Variants in ACTN3 observed in about 807,000 individuals in gnomAD.
The protein encoded by ACTN3 is alpha-actinin-3.
ACTN3 carries 91 observed loss-of-function variants against 119.6 expected under a neutral mutation model. The observed-to-expected ratio is 0.76, with a 90% CI of 0.64 to 0.91. The LOEUF is 0.91. Among genes scored for constraint, ACTN3 ranks in the 40% least tolerant of loss-of-function variants. ACTN3 has a pLI of 0.00. For synonymous variants in ACTN3, 456 were observed against 478.8 expected (o/e 0.95, Z 0.62); for missense variants, 1,221 against 1,215.1 (o/e 1.00, Z -0.07).
chr11:66,547,157 G>A lies in ACTN3; in HGVS notation c.147+73G>A, dbSNP rs187108590. 3.8e-5 allele frequency: 54 copies of A among 1,425,980 alleles called. No homozygotes were observed. In the Admixed American group the frequency reaches 1.5e-3, roughly 39 times the overall value. 88.3% of individuals were successfully genotyped at this position (1,425,980 alleles called of 1,614,324 possible). ...CGGGCTGTTTGTCCTGGGCATCTCA[G>A]CAGTGCAGGGGCAGAGCTTGTCTTT... On this transcript the variant is annotated intron_variant, in intron 1 of 20. Coordinates refer to ENST00000513398, the MANE Select transcript of ACTN3 (RefSeq NM_001104.4).
rs774830877 is a variant in ACTN3 at position 66,558,184 on chromosome 11, C to A, written c.1276+10C>A. 6.2e-7 allele frequency: 1 copy of A among 1,611,752 alleles called. No individual in the cohort carries two copies. The highest frequency in any genetic ancestry group is 1.3e-5 in the African/African-American group (1 of 74,928). On this transcript the variant is annotated intron_variant, in intron 11 of 20. Transcript: ENST00000513398. ...GAAGCCTGGACCCGGGGTAGGTAGA[C>A]CTACCTCATGGGGCTGGACTGTCTC...
At chr11:66,555,540 A>G (rs994044714) in intron 7 of ACTN3, among the ~76,000 whole-genome samples, 173 bp downstream of exon 7, 4 of 146,748 alleles carry the variant, frequency 2.7e-5, no homozygotes, top group Non-Finnish European at 6.0e-5. Context: ...CCCATGCCCC[A>G]TCCCCCAAAG....
At position 66,563,169 on chromosome 11, in the gene ACTN3, CCT is replaced by C. The variant is rs756746990; in HGVS notation, c.2685_2686del (p.Tyr896TrpfsTer25). The C allele has an allele frequency of 6.2e-7, 1 of 1,611,448 alleles. No individual in the cohort carries two copies. Among genetic ancestry groups the C allele is most frequent in the Non-Finnish European group, 8.5e-7 (1 of 1,178,752 alleles). On this transcript the variant is annotated frameshift_variant, in exon 21 of 21. Coordinates refer to ENST00000513398, the MANE Select transcript of ACTN3 (RefSeq NM_001104.4). LOFTEE classifies it high-confidence loss of function. ...ALDYVAFSSALYGESDL is the reference protein window; with the variant it reads ...ALDYVAFSSAXYGESDL The stretch of plus-strand genomic sequence containing the variant: ...TGGACTACGTGGCCTTCTCCAGTGC[CCT>C]CTATGGGGAGAGCGACCTTTGACCC...
chr11:66,559,419 AC>A (rs1467741783), intron 12 of ACTN3, 33 bp downstream of exon 12: 40 of 1,415,568 alleles, frequency 2.8e-5, no homozygotes, highest in Non-Finnish European at 3.5e-5. Flanking sequence ...CGCCCCCAAC[AC>A]CCCCGGCCCC....
intron 3 of ACTN3, 76 bp downstream of exon 3, chr11:66,551,723 C>G: frequency 2.5e-6 from 4 of 1,572,180 alleles, no homozygotes; most frequent in Middle Eastern, 2.3e-4. Context: ...CTCTGTGAGC[C>G]TCAGTTTCCT....
intron 1 of ACTN3, among the ~76,000 whole-genome samples, chr11:66,547,364 A>C (rs1242275860): frequency 6.6e-6 from 1 of 152,102 alleles, no homozygotes; most frequent in Non-Finnish European, 1.5e-5. Flanking sequence ...TGCTGAAAAC[A>C]GGCTGGGCAA....
chr11:66,557,249 T>C (rs898575556), intron 9 of ACTN3, 24 bp downstream of exon 9: 4 of 1,548,344 alleles, frequency 2.6e-6, no homozygotes, highest in Admixed American at 2.0e-5. Flanking sequence ...CCCACCGTGC[T>C]CTCCCCACCC....
chr11:66,555,408 A>G (rs1260707167), intron 7 of ACTN3, 41 bp downstream of exon 7: 1 of 1,599,434 alleles, frequency 6.3e-7, no homozygotes, highest in African/African-American at 1.3e-5. Flanking sequence ...CACATTCTCC[A>G]CACTGGGCCT....
rs538261747 is a variant in ACTN3 at position 66,558,148 on chromosome 11, C to G, written c.1250C>G (p.Ala417Gly). The G allele has an allele frequency of 1.2e-6, 2 of 1,613,662 alleles. No homozygotes were observed. Among genetic ancestry groups the G allele is most frequent in the African/African-American group, 2.7e-5 (2 of 75,066 alleles). The change falls in exon 11 of 21, where the codon GCC (alanine) becomes GGC (glycine). Residue 417 changes from alanine (A) to glycine (G), a missense_variant. This residue lies in a region of ACTN3 where 934 missense variants were observed against 899.9 expected (regional missense o/e 1.04). Coordinates refer to ENST00000513398, the MANE Select transcript of ACTN3 (RefSeq NM_001104.4). ...QHLAEKFRQKASLHEAWTRGK... is the reference protein window; with the variant it reads ...QHLAEKFRQKGSLHEAWTRGK... ...CTGGCTGAGAAGTTCCGGCAGAAGG[C>G]CTCCCTGCACGAAGCCTGGACCCGG...
chr11:66,556,307 C>A, intron 8 of ACTN3, 77 bp downstream of exon 8: 1 of 1,406,826 alleles, frequency 7.1e-7, no homozygotes, highest in Non-Finnish European at 9.9e-7. Flanking sequence ...ACATTGGAGG[C>A]GCCAGACCAC....
chr11:66,546,871 C>T (rs1590801315), upstream of ACTN3: 12 of 1,509,938 alleles, frequency 7.9e-6, no homozygotes, highest in African/African-American at 9.7e-5. Flanking sequence ...CTGGGCTGGG[C>T]CCTACTTAAT....
rs1363033090 is a variant in ACTN3, at chr11:66,559,508, C to T, written c.1427+122C>T. On this transcript the variant is annotated intron_variant, in intron 12 of 20. Transcript: ENST00000513398. ...GGCTCTCCTGGGTTCTGTAACCCCG[C>T]CGTGGTACCCAGGTCCCATTCGCTC... 5 of 1,029,816 alleles carry T rather than the reference C, an allele frequency of 4.9e-6. No homozygotes were observed. The African/African-American group carries it at 6.5e-5, about 13-fold the overall frequency. 63.8% of individuals were successfully genotyped at this position (1,029,816 alleles called of 1,614,324 possible).
chr11:66,562,473 T>C, intron 19 of ACTN3, 151 bp downstream of exon 19: 4 of 419,334 alleles, frequency 9.5e-6, no homozygotes, highest in Non-Finnish European at 1.3e-5. Flanking sequence ...GAGGTAAAAC[T>C]CACTTGGACC....
At chr11:66,552,906 AC>A (rs1857509102) in intron 3 of ACTN3, among the ~76,000 whole-genome samples, 1 of 150,442 alleles carries the variant, frequency 6.6e-6, no homozygotes, top group South Asian at 2.1e-4. Flanking sequence ...ACACACACAC[AC>A]ACACAAAGAG....
chr11:66,548,710 TCA>T (rs1194417559), intron 1 of ACTN3, among the ~76,000 whole-genome samples: 1 of 152,142 alleles, frequency 6.6e-6, no homozygotes, highest in Middle Eastern at 3.2e-3. Flanking sequence ...AGGGCTTCCT[TCA>T]CACAGTCTTG....
chr11:66,556,986 C>G, intron 8 of ACTN3, 147 bp from the exon 9 acceptor site: 1 of 618,690 alleles, frequency 1.6e-6, no homozygotes, highest in Non-Finnish European at 2.8e-6. Flanking sequence ...TGGTTTCGAT[C>G]TCCTGACCTC....
In ACTN3 at chr11:66,562,222, G is replaced by A. The variant is rs1857794609; in HGVS notation, c.2323-35G>A. On this transcript the variant is annotated intron_variant, in intron 18 of 20. Coordinates refer to ENST00000513398, the MANE Select transcript of ACTN3 (RefSeq NM_001104.4). ...AGACACTTGGGGGCTGGTGGAGGCTGGAGACCAAGCCTGATAACCACTCAC... is the reference window on the plus strand; with the variant it reads ...AGACACTTGGGGGCTGGTGGAGGCTAGAGACCAAGCCTGATAACCACTCAC... 5 of 1,613,768 alleles carry A rather than the reference G, an allele frequency of 3.1e-6. No individual in the cohort carries two copies. In the South Asian group the frequency reaches 5.5e-5, roughly 18 times the overall value.
At position 66,560,611 on chromosome 11, in the gene ACTN3, GC is replaced by G; in HGVS notation, c.1719del (p.Glu574ArgfsTer68). On this transcript the variant is annotated frameshift_variant, in exon 15 of 21. Transcript: ENST00000513398. LOFTEE classifies it high-confidence loss of function. ...CGCACGATCAGTTCAAGGCAACACT[GC>G]CCGAGGCTGACCGAGAGCGAGGTGC... ...TAHDQFKATL[P>X]EADRERGAIM... The G allele has an allele frequency of 6.2e-7, 1 of 1,613,548 alleles. No homozygotes were observed. The highest frequency in any genetic ancestry group is 8.5e-7 in the Non-Finnish European group (1 of 1,179,864).
At chr11:66,551,217 G>C (rs745971665) in intron 1 of ACTN3, 22 bp from the exon 2 acceptor site, 7 of 1,566,818 alleles carry the variant, frequency 4.5e-6, no homozygotes, top group South Asian at 1.1e-5. Flanking sequence ...CGTAGGGTTT[G>C]AGTGCTGTCC....
Sources: allele counts gnomAD v4.1 joint callset (sites outside exome capture counted in the v4.1 genomes callset), GRCh38; gene constraint gnomAD v4.1.1; regional missense constraint gnomAD v4.1.1; transcripts MANE v1.5; gene names NCBI Gene and HGNC (gene_info 2026-07-23, HGNC 2026-07-21).